The following OLFM1 variants were observed in gnomAD, a reference collection of about 807,000 sequenced individuals.
OLFM1 encodes olfactomedin 1.
In OLFM1, 9 loss-of-function variants were observed where a neutral mutation model predicts 49.7. That is an observed-to-expected ratio of 0.18 (90% confidence interval 0.11 to 0.32). The LOEUF (loss-of-function observed/expected upper bound fraction) is 0.32, where lower values mean the gene tolerates loss of function less well. Among genes scored for constraint, OLFM1 ranks in the 10% least tolerant of loss-of-function variants. The probability of loss-of-function intolerance (pLI) is 1.00; values close to 1 mark genes in which losing one functional copy is unlikely to be tolerated. For missense variants in OLFM1, 369 were observed against 661.8 expected (o/e 0.56, Z 4.85); for synonymous variants, 240 against 271.8 (o/e 0.88, Z 1.15).
chr9:135,092,890 C>T (rs1300757814), intron 2 of OLFM1, among the ~76,000 whole-genome samples: 1 of 152,220 alleles, frequency 6.6e-6, no homozygotes, highest in African/African-American at 2.4e-5. Flanking sequence ...AGCGCTGCTC[C>T]GTCCTCAGCT....
At chr9:135,105,463 C>G (rs1830928993) in intron 4 of OLFM1, among the ~76,000 whole-genome samples, 1 of 152,154 alleles carries the variant, frequency 6.6e-6, no homozygotes, top group Admixed American at 6.5e-5. Flanking sequence ...TCTTTCTGGT[C>G]TTGTGTGATG....
exon 1 of OLFM1, chr9:135,075,668 T>TCC: frequency 6.8e-7 from 1 of 1,479,562 alleles, no homozygotes; most frequent in South Asian, 1.2e-5. Context: ...CGCGTCCGCG[T>TCC]CCACGCAGCC....
In OLFM1 at chr9:135,076,608, A is replaced by G; in HGVS notation, c.96+806A>G. ...GCTTTGGCACTATGGTGCTCGGAAGAGCCTGCCAGCCGAGGGAGCCGGGCT... is the reference window on the plus strand; with the variant it reads ...GCTTTGGCACTATGGTGCTCGGAAGGGCCTGCCAGCCGAGGGAGCCGGGCT... On this transcript the variant is annotated intron_variant, in intron 1 of 5. Coordinates refer to the OLFM1 transcript ENST00000252854. 6.6e-6 allele frequency: 7 copies of G among 1,066,108 alleles called. No homozygotes were observed. The East Asian group carries it at 1.6e-4, about 24-fold the overall frequency. The allele number at this position is 1,066,108 out of a possible 1,614,324, so 66.0% of individuals were successfully genotyped here.
At chr9:135,091,910 CACAT>C (rs1794719910) in intron 2 of OLFM1, among the ~76,000 whole-genome samples, 1 of 149,856 alleles carries the variant, frequency 6.7e-6, no homozygotes, top group Non-Finnish European at 1.5e-5. Flanking sequence ...CACACACACA[CACAT>C]AGTCACACAC....
chr9:135,077,038 C>G (rs1037055701), intron 1 of OLFM1: 1 of 1,540,484 alleles, frequency 6.5e-7, no homozygotes, highest in South Asian at 1.2e-5. Flanking sequence ...ATCAGCCAGT[C>G]CCTCCTGGAG....
intron 4 of OLFM1, chr9:135,106,412 C>A: frequency 3.5e-6 from 1 of 282,750 alleles, no homozygotes; most frequent in Non-Finnish European, 6.7e-6. Context: ...AAGCTGACCC[C>A]CTCTCCTAGA....
intron 2 of OLFM1, among the ~76,000 whole-genome samples, chr9:135,095,508 C>T (rs1357409568): frequency 1.9e-5 from 2 of 107,548 alleles, no homozygotes; most frequent in African/African-American, 3.9e-5. Context: ...TCCCCACCCA[C>T]CACTACCAAA....
chr9:135,107,231 C>T (rs904926152), intron 5 of OLFM1, among the ~76,000 whole-genome samples: 2 of 152,232 alleles, frequency 1.3e-5, no homozygotes, highest in African/African-American at 4.8e-5. Flanking sequence ...CCGGTCCTTG[C>T]ATCTGCTTCA....
At chr9:135,096,587 G>A (rs1257446715) in intron 3 of OLFM1, among the ~76,000 whole-genome samples, 1 of 152,242 alleles carries the variant, frequency 6.6e-6, no homozygotes, top group East Asian at 1.9e-4. Context: ...CGTCAGTGTG[G>A]TTTGGAAGCC....
chr9:135,082,095 G>T (rs948038518), intron 1 of OLFM1, among the ~76,000 whole-genome samples: 1 of 152,212 alleles, frequency 6.6e-6, no homozygotes. Flanking sequence ...AGACCTGCTC[G>T]CCCCAAAAGG....
Position 135,098,232 on chromosome 9 carries a change from G to T in OLFM1, c.457-54G>T. On this transcript the variant is annotated intron_variant, in intron 3 of 5. Coordinates refer to ENST00000371793, the MANE Select transcript of OLFM1 (RefSeq NM_001282611.2). The surrounding 1 kb of genome is among the most constrained non-coding windows in gnomAD (Gnocchi z 5.6). ...CTAGGGAGAAGCCAGGCCAAGGCAG[G>T]GTGTGAGAGTTCTTGCATGCATCGC... 6.3e-6 allele frequency: 10 copies of T among 1,589,138 alleles called. No homozygotes were observed. Among genetic ancestry groups the T allele is most frequent in the Non-Finnish European group, 8.6e-6 (10 of 1,161,370 alleles).
At chr9:135,099,919 T>C (rs765433676) in intron 4 of OLFM1, among the ~76,000 whole-genome samples, 5 of 152,162 alleles carry the variant, frequency 3.3e-5, no homozygotes, top group African/African-American at 9.7e-5. Context: ...TTAATGATGA[T>C]AGGGCTGTAT....
At chr9:135,083,363 C>A (rs891213477), upstream of OLFM1, among the ~76,000 whole-genome samples, 1 of 152,066 alleles carries the variant, frequency 6.6e-6, no homozygotes, top group African/African-American at 2.4e-5. Context: ...GTGGAACCTG[C>A]CAGGGAGAGT....
upstream of OLFM1, among the ~76,000 whole-genome samples, chr9:135,084,297 ACTCTATCTTTCTT>A (rs1366793964): frequency 1.6e-4 from 24 of 148,774 alleles, no homozygotes; most frequent in African/African-American, 5.9e-4. The surrounding 1 kb of genome is among the most constrained non-coding windows in gnomAD (Gnocchi z 4.6). Context: ...TCTCTGTGTC[ACTCTATCTTTCTT>A]CTCTCTCTCT....
intron 2 of OLFM1, among the ~76,000 whole-genome samples, chr9:135,094,208 T>G (rs888776840): frequency 6.6e-6 from 1 of 152,148 alleles, no homozygotes; most frequent in African/African-American, 2.4e-5. Flanking sequence ...TTACTGGACT[T>G]TGTGCAGGGG....
At chr9:135,097,710 C>T (rs1380699899) in intron 3 of OLFM1, 1 of 1,265,616 alleles carries the variant, frequency 7.9e-7, no homozygotes, top group Non-Finnish European at 1.2e-6. Context: ...ATATGTGTTT[C>T]CTGATGGCTG....
Position 135,075,698 on chromosome 9 carries a change from G to C in OLFM1, c.-9G>C, listed in dbSNP as rs201711370. Reference sequence around the variant, plus strand: ...GCAGCCGCCGGCCGGCCAGCACCCAGGGCCCTGCATGCCAGGTCGTTGGAG... The same window carrying C: ...GCAGCCGCCGGCCGGCCAGCACCCACGGCCCTGCATGCCAGGTCGTTGGAG... On this transcript the variant is annotated 5_prime_UTR_variant, in exon 1 of 6. Coordinates refer to the OLFM1 transcript ENST00000252854. 3.1e-6 allele frequency: 5 copies of C among 1,588,000 alleles called. No homozygotes were observed. The South Asian group carries it at 4.5e-5, about 14-fold the overall frequency.
rs1167526855 is a variant in OLFM1 at position 135,080,192 on chromosome 9, A to G, written c.96+4390A>G. ...CAAGTAGAAACGGCTAAACACTTTT[A>G]CCTGCTGCAACCTAAGCTTGGGCCA... On this transcript the variant is annotated intron_variant, in intron 1 of 5. Transcript: ENST00000252854. The surrounding 1 kb of genome is among the most constrained non-coding windows in gnomAD (Gnocchi z 4.5). Among the ~76,000 whole-genome samples, 1 of 151,816 alleles carries G rather than the reference A, an allele frequency of 6.6e-6. No homozygotes were observed. The highest frequency in any genetic ancestry group is 1.5e-5 in the Non-Finnish European group (1 of 67,992).
In OLFM1 at chr9:135,120,154, C is replaced by T. The variant is rs547385394; in HGVS notation, c.1434C>T (p.His478=). Residue 478 remains histidine, a synonymous_variant, in exon 6 of 6, where the codon CAC becomes CAT. Coordinates refer to ENST00000371793, the MANE Select transcript of OLFM1 (RefSeq NM_001282611.2). ...HQILYNVTLF[H]VIRSDEL The stretch of plus-strand genomic sequence containing the variant: ...TCCTCTACAACGTGACCCTCTTCCA[C>T]GTCATCCGCTCCGACGAGTTGTAGC... 9.3e-6 allele frequency: 15 copies of T among 1,612,798 alleles called. No homozygotes were observed. Among genetic ancestry groups the T allele is most frequent in the Admixed American group, 6.7e-5 (4 of 59,968 alleles).
Sources: gnomAD v4.1 joint callset for allele counts (sites outside exome capture counted in the v4.1 genomes callset) on GRCh38, gnomAD v4.1.1 for gene constraint, Gnocchi (gnomAD v3.1) non-coding constraint, MANE v1.5 for transcripts, NCBI Gene and HGNC (gene_info 2026-07-23, HGNC 2026-07-21) for gene names.